The following CELF4 variants were observed in gnomAD, a reference collection of about 807,000 sequenced individuals.
CELF4 encodes the protein CUGBP Elav-like family member 4, also known as CUG-BP- and ETR-3-like factor 4.
Under a neutral mutation model 59.9 loss-of-function variants are expected in CELF4, and 18 were observed. The observed-to-expected ratio is 0.30, with a 90% CI of 0.21 to 0.45. The LOEUF is 0.45. Ranked by LOEUF, CELF4 falls within the 20% of genes least tolerant of loss-of-function variation. The pLI is 1.00. For synonymous variants in CELF4, 261 were observed against 267.1 expected (o/e 0.98, Z 0.22); for missense variants, 456 against 689.0 (o/e 0.66, Z 3.79).
chr18:37,519,631 C>T (rs1252486632), intron 1 of CELF4, among the ~76,000 whole-genome samples: 6 of 152,178 alleles, frequency 3.9e-5, no homozygotes, highest in South Asian at 2.1e-4. Flanking sequence ...CTGTGGGCAG[C>T]GAGGAGTATG....
intron 2 of CELF4, among the ~76,000 whole-genome samples, chr18:37,468,948 T>TTGGG (rs2154602484): frequency 6.6e-6 from 1 of 152,236 alleles, no homozygotes; most frequent in Admixed American, 6.5e-5. Flanking sequence ...GAGATGAGAT[T>TTGGG]TGGGTGGGGA....
chr18:37,368,683 G>C (rs1444049205), intron 2 of CELF4, among the ~76,000 whole-genome samples: 1 of 152,110 alleles, frequency 6.6e-6, no homozygotes, highest in African/African-American at 2.4e-5. Flanking sequence ...AGGGTTTGGG[G>C]TCACCTCAGC....
intron 3 of CELF4, chr18:37,275,884 C>G (rs563040418): frequency 4.3e-4 from 65 of 152,430 alleles, no homozygotes; most frequent in African/African-American, 1.6e-3. Context: ...CTCTCCTTTC[C>G]CACCCATTCC....
At chr18:37,416,161 C>T (rs1160637213) in intron 2 of CELF4, among the ~76,000 whole-genome samples, 2 of 151,734 alleles carry the variant, frequency 1.3e-5, no homozygotes, top group Admixed American at 6.6e-5. Context: ...CCAGTGGTCC[C>T]TTGGGGCCAT....
intron 2 of CELF4, among the ~76,000 whole-genome samples, chr18:37,334,234 G>A (rs934130668): frequency 6.6e-6 from 1 of 152,190 alleles, no homozygotes; most frequent in African/African-American, 2.4e-5. Context: ...ACTCTGCCTG[G>A]TACCAGCGCC....
At chr18:37,272,353 G>A (rs2091650763) in intron 7 of CELF4, among the ~76,000 whole-genome samples, 1 of 152,152 alleles carries the variant, frequency 6.6e-6, no homozygotes, top group South Asian at 2.1e-4. Flanking sequence ...AATCAAAAAT[G>A]TCTCCAGACA....
At chr18:37,555,604 A>AG (rs200623212) in intron 1 of CELF4, among the ~76,000 whole-genome samples, 2,332 of 152,276 alleles carry the variant, frequency 0.015, 56 homozygotes, top group African/African-American at 0.053. Context: ...ACCCATCAAC[A>AG]GCGACATGAT....
chr18:37,511,166 T>G (rs1199923360), intron 1 of CELF4, among the ~76,000 whole-genome samples: 1 of 152,146 alleles, frequency 6.6e-6, no homozygotes, highest in Non-Finnish European at 1.5e-5. Flanking sequence ...CTTAAAATCC[T>G]TGCGTGTTGG....
chr18:37,512,330 C>A (rs1226689230), intron 1 of CELF4, among the ~76,000 whole-genome samples: 4 of 152,234 alleles, frequency 2.6e-5, no homozygotes, highest in Non-Finnish European at 4.4e-5. Context: ...TTCCGTGGAG[C>A]TGCGGCCTCT....
intron 2 of CELF4, among the ~76,000 whole-genome samples, chr18:37,484,386 C>G (rs896961795): frequency 6.6e-6 from 1 of 152,186 alleles, no homozygotes; most frequent in African/African-American, 2.4e-5. Context: ...GAAAAAACAA[C>G]TGGGGAATGG....
intron 1 of CELF4, among the ~76,000 whole-genome samples, chr18:37,551,947 C>T (rs2099983342): frequency 6.6e-6 from 1 of 152,166 alleles, no homozygotes; most frequent in South Asian, 2.1e-4. Context: ...GACTTCATTG[C>T]AGAGGGACAA....
intron 2 of CELF4, among the ~76,000 whole-genome samples, chr18:37,369,155 T>C (rs530270846): frequency 2.3e-4 from 35 of 152,310 alleles, no homozygotes; most frequent in Non-Finnish European, 4.9e-4. Flanking sequence ...AAACTCTTTT[T>C]CCTTTCCGTA....
At chr18:37,349,542 A>G (rs2098392583) in intron 2 of CELF4, among the ~76,000 whole-genome samples, 1 of 152,216 alleles carries the variant, frequency 6.6e-6, no homozygotes, top group East Asian at 1.9e-4. Flanking sequence ...GGCAATGGAA[A>G]AGACACACTC....
chr18:37,376,067 CA>C (rs1569568080), intron 2 of CELF4, among the ~76,000 whole-genome samples: 1 of 152,204 alleles, frequency 6.6e-6, no homozygotes, highest in Non-Finnish European at 1.5e-5. Flanking sequence ...GGCTCCTGGG[CA>C]GGTTTGTCAG....
intron 2 of CELF4, among the ~76,000 whole-genome samples, chr18:37,470,762 T>C (rs148212464): frequency 1.5e-4 from 23 of 151,692 alleles, no homozygotes; most frequent in Non-Finnish European, 3.1e-4. Context: ...TTTCTGAAGC[T>C]GGAGGAGCAG....
intron 2 of CELF4, among the ~76,000 whole-genome samples, chr18:37,432,391 T>C (rs1168397089): frequency 1.3e-5 from 2 of 152,232 alleles, no homozygotes; most frequent in African/African-American, 2.4e-5. Flanking sequence ...GGACATTTGT[T>C]CTACTGATTT....
At chr18:37,255,621 A>T (rs2068809127) in intron 11 of CELF4, among the ~76,000 whole-genome samples, 1 of 151,928 alleles carries the variant, frequency 6.6e-6, no homozygotes, top group African/African-American at 2.4e-5. Flanking sequence ...CTAATCACTA[A>T]AGTCAAGTTA....
intron 2 of CELF4, among the ~76,000 whole-genome samples, chr18:37,327,385 C>T (rs777207172): frequency 2.6e-5 from 4 of 152,134 alleles, no homozygotes; most frequent in Non-Finnish European, 2.9e-5. Flanking sequence ...GGCTGGTGAG[C>T]GACATTTTCC....
At chr18:37,346,740 G>A (rs1050524151) in intron 2 of CELF4, among the ~76,000 whole-genome samples, 39 of 152,266 alleles carry the variant, frequency 2.6e-4, no homozygotes, top group African/African-American at 8.2e-4. Context: ...TTGGGCAATG[G>A]CAGCTGCTTG....
Sources: gnomAD v4.1 joint callset for allele counts (sites outside exome capture counted in the v4.1 genomes callset) on GRCh38, gnomAD v4.1.1 for gene constraint, MANE v1.5 for transcripts, NCBI Gene and HGNC (gene_info 2026-07-23, HGNC 2026-07-21) for gene names.